Variants in WWC1 observed in about 807,000 individuals in gnomAD.
WWC1 encodes WW and C2 domain containing 1.
Under a neutral mutation model 138.4 loss-of-function variants are expected in WWC1, and 55 were observed. The ratio of observed to expected loss-of-function variants is 0.40; its 90% CI spans 0.32 to 0.50. WWC1 has a LOEUF of 0.50. Ranked by LOEUF, WWC1 falls within the 20% of genes least tolerant of loss-of-function variation. WWC1 has a pLI of 0.72. For missense variants in WWC1, 1,226 were observed against 1,420.4 expected (o/e 0.86, Z 2.20); for synonymous variants, 524 against 564.9 (o/e 0.93, Z 1.03).
At chr5:168,414,078 T>C in intron 8 of WWC1, 2 of 427,750 alleles carry the variant, frequency 4.7e-6, no homozygotes, top group Non-Finnish European at 8.4e-6. Context: ...TGGTGATGAA[T>C]CCACATCTCT....
intron 1 of WWC1, among the ~76,000 whole-genome samples, chr5:168,357,523 T>G (rs193240843): frequency 1.4e-4 from 21 of 149,844 alleles, no homozygotes; most frequent in South Asian, 4.3e-4. Context: ...CGTGCGTGCA[T>G]GCCAGGGTAT....
chr5:168,465,099 C>A, intron 21 of WWC1, 137 bp downstream of exon 21: 2 of 1,320,970 alleles, frequency 1.5e-6, no homozygotes, highest in Non-Finnish European at 2.0e-6. Flanking sequence ...GGTGTTCCAC[C>A]CATCCCTCGT....
intron 21 of WWC1, among the ~76,000 whole-genome samples, chr5:168,466,952 A>G (rs186076714): frequency 1.8e-4 from 28 of 152,306 alleles, no homozygotes; most frequent in African/African-American, 6.5e-4. Flanking sequence ...ATGACTTCTA[A>G]CAAAGAACCA....
chr5:168,358,341 G>A (rs1775615863), intron 1 of WWC1, among the ~76,000 whole-genome samples: 1 of 152,238 alleles, frequency 6.6e-6, no homozygotes, highest in Non-Finnish European at 1.5e-5. Context: ...AGAGCTCGGT[G>A]AGTGTCAGGG....
rs1465528715 is a variant in WWC1, at chr5:168,470,378, T to C, written c.*1361T>C. The C allele has an allele frequency of 6.6e-6, 1 of 151,752 alleles. No homozygotes were observed. Among genetic ancestry groups the C allele is most frequent in the East Asian group, 1.9e-4 (1 of 5,170 alleles). The allele number at this position is 151,752 out of a possible 1,614,324, so 9.4% of individuals were successfully genotyped here. A position where few individuals can be genotyped will look rare whatever the true frequency, so the allele number is the denominator to read the frequency against. ...GGTGAAACCCTGTCTCTACTAAAAA[T>C]ACAAAAAATTAGCCGGCCGTGGTGG... is the stretch of plus-strand genomic sequence containing the variant. On this transcript the variant is annotated 3_prime_UTR_variant, in exon 23 of 23. Coordinates refer to ENST00000265293, the MANE Select transcript of WWC1 (RefSeq NM_015238.3).
At chr5:168,440,744 C>T (rs890538700) in intron 15 of WWC1, among the ~76,000 whole-genome samples, 9 of 152,154 alleles carry the variant, frequency 5.9e-5, no homozygotes, top group African/African-American at 1.9e-4. Context: ...CTCGATCTCC[C>T]GACCTCAGAT....
intron 1 of WWC1, among the ~76,000 whole-genome samples, chr5:168,350,289 C>CT (rs1450641067): frequency 1.3e-5 from 2 of 152,174 alleles, no homozygotes; most frequent in Non-Finnish European, 2.9e-5. Flanking sequence ...CTGAGGTTGA[C>CT]TTTTACTAGT....
intron 1 of WWC1, among the ~76,000 whole-genome samples, chr5:168,300,934 G>A (rs1770012866): frequency 6.6e-6 from 1 of 152,208 alleles, no homozygotes; most frequent in African/African-American, 2.4e-5. Flanking sequence ...ATCTGTCGTG[G>A]CTTTTCTTGG....
At chr5:168,380,785 T>C (rs1453147807) in intron 2 of WWC1, among the ~76,000 whole-genome samples, 1 of 152,226 alleles carries the variant, frequency 6.6e-6, no homozygotes, top group Non-Finnish European at 1.5e-5. Flanking sequence ...CAATGTGATG[T>C]ATTCATACAA....
chr5:168,431,452 C>T lies in WWC1; in HGVS notation c.2280+8C>T. ...CATCTGGAAGAGTGCCTGGTAAGGG[C>T]CGTGTCTGGCTGGCTGGCTGGCTGG... On this transcript the variant is annotated splice_region_variant and intron_variant, in intron 15 of 22. Transcript: ENST00000265293. The T allele has an allele frequency of 6.4e-7, 1 of 1,574,800 alleles. No homozygotes were observed. Among genetic ancestry groups the T allele is most frequent in the Non-Finnish European group, 8.6e-7 (1 of 1,169,542 alleles).
intron 11 of WWC1, among the ~76,000 whole-genome samples, chr5:168,425,452 G>A (rs1238739948): frequency 1.3e-5 from 2 of 151,322 alleles, no homozygotes; most frequent in African/African-American, 4.9e-5. Context: ...ACTCATTTAA[G>A]CCTTACAACA....
chr5:168,428,698 G>A lies in WWC1; in HGVS notation c.1920-9G>A. 2 of 1,613,900 alleles carry A rather than the reference G, an allele frequency of 1.2e-6. No individual in the cohort carries two copies. Among genetic ancestry groups the A allele is most frequent in the Non-Finnish European group, 1.7e-6 (2 of 1,179,884 alleles). Reference sequence around the variant, plus strand: ...GAAGCCTAACTCCTCCTCCCCTGTTGCCTTTCAGACTGGGTGCTTCAGAAG... The same window carrying A: ...GAAGCCTAACTCCTCCTCCCCTGTTACCTTTCAGACTGGGTGCTTCAGAAG... On this transcript the variant is annotated splice_polypyrimidine_tract_variant and intron_variant, in intron 12 of 22. Coordinates refer to ENST00000265293, the MANE Select transcript of WWC1 (RefSeq NM_015238.3).
At chr5:168,355,920 G>GAA (rs1356775224) in intron 1 of WWC1, among the ~76,000 whole-genome samples, 3 of 60,940 alleles carry the variant, frequency 4.9e-5, no homozygotes, top group Admixed American at 1.9e-4. Flanking sequence ...GAACAAGAGA[G>GAA]AGAAAGAGAG....
intron 17 of WWC1, among the ~76,000 whole-genome samples, chr5:168,451,572 G>A (rs1320616788): frequency 6.6e-6 from 1 of 152,024 alleles, no homozygotes; most frequent in Non-Finnish European, 1.5e-5. Flanking sequence ...ATGGTGGCAC[G>A]TGCCTGTAGT....
intron 1 of WWC1, among the ~76,000 whole-genome samples, chr5:168,296,781 T>C (rs1769572374): frequency 6.6e-6 from 1 of 152,212 alleles, no homozygotes; most frequent in East Asian, 1.9e-4. Flanking sequence ...GGAGCTGTGA[T>C]GTGAATACTA....
chr5:168,399,950 C>CT (rs1779189743), intron 5 of WWC1, among the ~76,000 whole-genome samples: 1 of 152,166 alleles, frequency 6.6e-6, no homozygotes, highest in Non-Finnish European at 1.5e-5. Flanking sequence ...AAATACACTT[C>CT]TTTTTTCCAT....
intron 16 of WWC1, among the ~76,000 whole-genome samples, chr5:168,443,386 G>A (rs1416901711): frequency 6.6e-6 from 1 of 151,540 alleles, no homozygotes; most frequent in Non-Finnish European, 1.5e-5. Context: ...GCACTGTTCT[G>A]TTTATTATGT....
At chr5:168,428,268 C>G in intron 12 of WWC1, 127 bp downstream of exon 12, 1 of 860,834 alleles carries the variant, frequency 1.2e-6, no homozygotes, top group Admixed American at 2.8e-5. Context: ...CCCAAGAGGG[C>G]ATGACCCCAC....
chr5:168,390,317 T>C (rs923107225), intron 3 of WWC1, among the ~76,000 whole-genome samples: 4 of 152,244 alleles, frequency 2.6e-5, no homozygotes, highest in Non-Finnish European at 5.9e-5. Context: ...AAGAGGTTTT[T>C]TTTACAGATC....
Sources: gnomAD v4.1 joint callset for allele counts (sites outside exome capture counted in the v4.1 genomes callset) on GRCh38, gnomAD v4.1.1 for gene constraint, MANE v1.5 for transcripts, NCBI Gene and HGNC (gene_info 2026-07-23, HGNC 2026-07-21) for gene names.